GABPB2: variants seen among roughly 807,000 people sequenced by gnomAD.
GABPB2 encodes GA-binding protein subunit beta-2.
Under a neutral mutation model 39.1 loss-of-function variants are expected in GABPB2, and 23 were observed. That is an observed-to-expected ratio of 0.59 (90% CI 0.42 to 0.83). The LOEUF is 0.83. Among genes scored for constraint, GABPB2 ranks in the 40% least tolerant of loss-of-function variants. The pLI is 0.00. For missense variants in GABPB2, 467 were observed against 541.1 expected, an observed-to-expected ratio of 0.86 and a Z score of 1.36; for synonymous variants, 184 against 199.3, an observed-to-expected ratio of 0.92 and a Z score of 0.65.
At chr1:151,107,778 A>C (rs1257356932) in intron 7 of GABPB2, among the ~76,000 whole-genome samples, 1 of 152,062 alleles carries the variant, frequency 6.6e-6, no homozygotes, top group Non-Finnish European at 1.5e-5. Context: ...TCTACTAAAA[A>C]TACAAAAATT....
intron 1 of GABPB2, among the ~76,000 whole-genome samples, chr1:151,071,886 G>C (rs1191817949): frequency 6.6e-6 from 1 of 152,234 alleles, no homozygotes; most frequent in African/African-American, 2.4e-5. Flanking sequence ...GCTGTCTCCT[G>C]TTTTCACATA....
chr1:151,109,731 A>G (rs1206201132), intron 7 of GABPB2, among the ~76,000 whole-genome samples: 2 of 151,662 alleles, frequency 1.3e-5, no homozygotes, highest in Non-Finnish European at 2.9e-5. Flanking sequence ...GCTAGAATGC[A>G]GTGGCATGAT....
chr1:151,095,634 G>C (rs1679041058), intron 4 of GABPB2, among the ~76,000 whole-genome samples: 1 of 152,130 alleles, frequency 6.6e-6, no homozygotes, highest in African/African-American at 2.4e-5. Context: ...CTTACTAGAT[G>C]TCTGTTTATC....
chr1:151,112,926 A>G (rs587768306), intron 7 of GABPB2, among the ~76,000 whole-genome samples: 22 of 149,600 alleles, frequency 1.5e-4, no homozygotes, highest in African/African-American at 4.7e-4. Flanking sequence ...GTGCACCACC[A>G]CGCCTGGCTA....
chr1:151,097,546 C>T (rs1571942234), intron 4 of GABPB2, among the ~76,000 whole-genome samples: 1 of 152,042 alleles, frequency 6.6e-6, no homozygotes, highest in Non-Finnish European at 1.5e-5. Flanking sequence ...CTTTAGGAGG[C>T]CAAGGTGGGC....
At chr1:151,101,215 T>G (rs1185299136) in intron 5 of GABPB2, among the ~76,000 whole-genome samples, 2 of 152,048 alleles carry the variant, frequency 1.3e-5, no homozygotes, top group African/African-American at 4.8e-5. Flanking sequence ...ATTGTACCAC[T>G]GCACTGCAGC....
chr1:151,101,340 C>T (rs112242410), intron 5 of GABPB2, among the ~76,000 whole-genome samples: 1 of 151,782 alleles, frequency 6.6e-6, no homozygotes, highest in African/African-American at 2.4e-5. Flanking sequence ...TTTGGGAGGC[C>T]GAGGTGGGCA....
chr1:151,101,426 T>C lies in GABPB2; in HGVS notation c.623-2136T>C, dbSNP rs587617964. The stretch of plus-strand genomic sequence containing the variant: ...CCCGTCTTACTAAAAATACAAAAAT[T>C]AGCTGGGCATGGTGGTGCGCGCCTG... On this transcript the variant is annotated intron_variant, in intron 5 of 8. Coordinates refer to ENST00000368918, the MANE Select transcript of GABPB2 (RefSeq NM_144618.3). 4.6e-5 allele frequency among the ~76,000 whole-genome samples: 7 copies of C among 151,814 alleles called. No homozygotes were observed. In the East Asian group the frequency reaches 7.7e-4, roughly 17 times the overall value.
Position 151,093,087 on chromosome 1 carries a change from T to G in GABPB2, c.277-105T>G, listed in dbSNP as rs904531717. ...TGATATTCCTTAAATGTGATCTAGA[T>G]TTGAGTACGTAATCTCTATGGAAAT... On this transcript the variant is annotated intron_variant, in intron 3 of 8. Transcript: ENST00000368918. The G allele has an allele frequency of 3.6e-6, 3 of 840,746 alleles. No individual in the cohort carries two copies. In the African/African-American group the frequency reaches 5.2e-5, roughly 15 times the overall value. 52.1% of individuals were successfully genotyped at this position (840,746 alleles called of 1,614,324 possible).
chr1:151,097,600 G>A (rs1326747330), intron 4 of GABPB2, among the ~76,000 whole-genome samples: 6 of 151,850 alleles, frequency 4.0e-5, no homozygotes. Flanking sequence ...TGGGCAACAT[G>A]GCAAAACCCT....
intron 1 of GABPB2, among the ~76,000 whole-genome samples, chr1:151,083,309 C>T (rs116259980): frequency 0.011 from 1,646 of 152,268 alleles, 42 homozygotes; most frequent in African/African-American, 0.038. Context: ...TGCTTGAAAG[C>T]TCAAATTGTA....
In GABPB2 at chr1:151,122,275, G is replaced by T. The variant is rs587652179; in HGVS notation, c.*4019G>T. 1.3e-5 allele frequency: 2 copies of T among 152,318 alleles called. No homozygotes were observed. Among genetic ancestry groups the T allele is most frequent in the South Asian group, 4.1e-4 (2 of 4,824 alleles). The allele number at this position is 152,318 out of a possible 1,614,324, so 9.4% of individuals were successfully genotyped here. On this transcript the variant is annotated 3_prime_UTR_variant, in exon 9 of 9. Coordinates refer to ENST00000368918, the MANE Select transcript of GABPB2 (RefSeq NM_144618.3). ...GTACTTAACACTTCCCAGATGATTGGAGAATATTCTGGGCTGTTGGGGATG... is the reference window on the plus strand; with the variant it reads ...GTACTTAACACTTCCCAGATGATTGTAGAATATTCTGGGCTGTTGGGGATG...
At chr1:151,104,572 A>G (rs1333475676) in intron 6 of GABPB2, among the ~76,000 whole-genome samples, 1 of 152,146 alleles carries the variant, frequency 6.6e-6, no homozygotes, top group Non-Finnish European at 1.5e-5. Context: ...TCACTTCTCC[A>G]GGTTCTAGTT....
chr1:151,090,695 A>G, intron 3 of GABPB2, 122 bp downstream of exon 3: 2 of 978,196 alleles, frequency 2.0e-6, no homozygotes, highest in Non-Finnish European at 3.0e-6. Context: ...TTATAGCATT[A>G]AGTTGCATCT....
chr1:151,080,373 T>C (rs890165068), intron 1 of GABPB2, among the ~76,000 whole-genome samples: 4 of 149,312 alleles, frequency 2.7e-5, no homozygotes, highest in Non-Finnish European at 4.4e-5. Flanking sequence ...TAGCTGGGCA[T>C]GGTGGCACAT....
At position 151,122,673 on chromosome 1, in the gene GABPB2, A is replaced by G. The variant is rs1681225437; in HGVS notation, c.*4417A>G. 1 of 152,032 alleles carries G rather than the reference A, an allele frequency of 6.6e-6. No individual in the cohort carries two copies. 9.4% of individuals were successfully genotyped at this position (152,032 alleles called of 1,614,324 possible). A position where few individuals can be genotyped will look rare whatever the true frequency, so the allele number is the denominator to read the frequency against. On this transcript the variant is annotated 3_prime_UTR_variant, in exon 9 of 9. Coordinates refer to ENST00000368918, the MANE Select transcript of GABPB2 (RefSeq NM_144618.3). ...AATGTCCATCCAACATGCCCTTCTG[A>G]CTATACAGTCACCACTTTTTTGGGG...
intron 1 of GABPB2, among the ~76,000 whole-genome samples, chr1:151,071,968 C>T (rs771338942): frequency 3.3e-5 from 5 of 152,226 alleles, no homozygotes; most frequent in Admixed American, 1.3e-4. Flanking sequence ...GGGGTCCCCC[C>T]CAACCCAACG....
At chr1:151,071,105 G>A (rs989557864) in intron 1 of GABPB2, among the ~76,000 whole-genome samples, 171 bp downstream of exon 1, 3 of 152,138 alleles carry the variant, frequency 2.0e-5, no homozygotes, top group African/African-American at 4.8e-5. Flanking sequence ...GGGGAGGAAG[G>A]GGATGCTGTC....
intron 1 of GABPB2, among the ~76,000 whole-genome samples, chr1:151,084,909 T>C (rs1678048255): frequency 6.6e-6 from 1 of 151,848 alleles, no homozygotes; most frequent in Admixed American, 6.6e-5. Flanking sequence ...CATATAAAAG[T>C]GATGTTGCAG....
Sources: allele counts gnomAD v4.1 joint callset (sites outside exome capture counted in the v4.1 genomes callset), GRCh38; gene constraint gnomAD v4.1.1; transcripts MANE v1.5; gene names NCBI Gene and HGNC (gene_info 2026-07-23, HGNC 2026-07-21).